The following CCDC138 variants were observed in gnomAD, a reference collection of about 807,000 sequenced individuals.
CCDC138 encodes the protein coiled-coil domain containing 138.
CCDC138 carries 66 observed loss-of-function variants against 82.3 expected under a neutral mutation model. The observed-to-expected ratio is 0.80, with a 90% confidence interval of 0.66 to 0.98. CCDC138 has a LOEUF of 0.98. Ranked by LOEUF, CCDC138 falls within the 50% of genes least tolerant of loss-of-function variation. The probability of loss-of-function intolerance (pLI) is 0.00; values close to 1 mark genes in which losing one functional copy is unlikely to be tolerated. For synonymous variants in CCDC138, 297 were observed against 265.4 expected (o/e 1.12, Z -1.16); for missense variants, 816 against 758.9 (o/e 1.08, Z -0.88).
In CCDC138 at chr2:108,794,724, A is replaced by G. The variant is rs114450376; in HGVS notation, c.576+3A>G. Reference sequence around the variant, plus strand: ...TTCAGATACATCTGAAATTGCAGGTAAGAACTAAATACTGAATCGAGAATT... The same window carrying G: ...TTCAGATACATCTGAAATTGCAGGTGAGAACTAAATACTGAATCGAGAATT... On this transcript the variant is annotated splice_donor_region_variant and intron_variant, in intron 5 of 14. Coordinates refer to ENST00000295124, the MANE Select transcript of CCDC138 (RefSeq NM_144978.3). The G allele has an allele frequency of 4.6e-3, 7,290 of 1,597,018 alleles. 301 individuals carry two copies. In the African/African-American group the frequency reaches 0.086, roughly 19 times the overall value.
rs760937756 is a variant in CCDC138, at chr2:108,811,247, C to CTCTTTT, written c.856-1383_856-1382insCTTTTT. ...CTCCCTTTTCTTTCTTTCTCTCTCT[C>CTCTTTT]TTTTTTTTTTTTTTTGACTGTCTCC... is the stretch of plus-strand genomic sequence containing the variant. On this transcript the variant is annotated intron_variant, in intron 7 of 14. Coordinates refer to ENST00000295124, the MANE Select transcript of CCDC138 (RefSeq NM_144978.3). Among the ~76,000 whole-genome samples, 309 of 113,850 alleles carry CTCTTTT rather than the reference C, an allele frequency of 2.7e-3. 11 individuals carry two copies. The highest frequency in any genetic ancestry group is 0.011 in the African/African-American group (297 of 26,224). The allele number at this position is 113,850 out of a possible 152,430, so 74.7% of individuals were successfully genotyped here.
At chr2:108,823,382 C>T (rs949381210) in intron 10 of CCDC138, among the ~76,000 whole-genome samples, 2 of 152,146 alleles carry the variant, frequency 1.3e-5, no homozygotes, top group African/African-American at 4.8e-5. Flanking sequence ...CAAAAATCCT[C>T]AACAAAATAG....
At chr2:108,848,971 T>A (rs962138902) in intron 12 of CCDC138, among the ~76,000 whole-genome samples, 21 of 152,254 alleles carry the variant, frequency 1.4e-4, no homozygotes, top group African/African-American at 4.8e-4. Flanking sequence ...TATAACTATA[T>A]CCCTGTGTTC....
chr2:108,793,708 T>C (rs558503420), intron 4 of CCDC138, among the ~76,000 whole-genome samples: 7 of 151,914 alleles, frequency 4.6e-5, no homozygotes, highest in Non-Finnish European at 8.8e-5. Context: ...GCCACTCTCC[T>C]GCCTCAGCCT....
chr2:108,813,848 G>T (rs560733768), intron 9 of CCDC138, among the ~76,000 whole-genome samples: 45 of 152,216 alleles, frequency 3.0e-4, no homozygotes, highest in African/African-American at 9.6e-4. Flanking sequence ...TGAGACATTT[G>T]GTCAGTGGAA....
intron 6 of CCDC138, 21 bp from the exon 7 acceptor site, chr2:108,804,868 G>T (rs1241366284): frequency 2.2e-6 from 3 of 1,359,604 alleles, no homozygotes; most frequent in African/African-American, 1.5e-5. Flanking sequence ...TTAGATGAGA[G>T]TTTTTTTTTT....
At chr2:108,819,754 G>A (rs528899173) in intron 10 of CCDC138, among the ~76,000 whole-genome samples, 55 of 152,024 alleles carry the variant, frequency 3.6e-4, no homozygotes, top group South Asian at 2.1e-3. Context: ...TTTTTCAAAT[G>A]CCCAAATACC....
At chr2:108,840,784 A>ATTTCTTTT (rs112943081) in intron 11 of CCDC138, among the ~76,000 whole-genome samples, 17,355 of 148,500 alleles carry the variant, frequency 0.12, 1,323 homozygotes, top group African/African-American at 0.21. Context: ...TCTTTGTTTC[A>ATTTCTTTT]TTTCTTTTTT....
intron 12 of CCDC138, 89 bp downstream of exon 12, chr2:108,847,019 C>T: frequency 1.3e-6 from 1 of 760,976 alleles, no homozygotes; most frequent in African/African-American, 1.8e-5. Flanking sequence ...ATATGTTGTA[C>T]ATTTTCAGAA....
At position 108,788,097 on chromosome 2, in the gene CCDC138, G is replaced by A. The variant is rs778338943; in HGVS notation, c.151+8G>A. ...GAACTCTAACCTCCCCAGGTAAGCC[G>A]GTATTTTGTATATTTGGGGGTTTCA... On this transcript the variant is annotated splice_region_variant and intron_variant, in intron 2 of 14. Transcript: ENST00000295124. 1.9e-6 allele frequency: 3 copies of A among 1,601,830 alleles called. No homozygotes were observed. Among genetic ancestry groups the A allele is most frequent in the South Asian group, 1.1e-5 (1 of 88,944 alleles).
intron 7 of CCDC138, among the ~76,000 whole-genome samples, chr2:108,807,120 G>A (rs1024941059): frequency 6.6e-6 from 1 of 152,036 alleles, no homozygotes; most frequent in Non-Finnish European, 1.5e-5. Context: ...GCATAACTGA[G>A]AATGAAGAAA....
intron 11 of CCDC138, among the ~76,000 whole-genome samples, chr2:108,841,430 TA>T (rs1689464141): frequency 6.6e-6 from 1 of 152,186 alleles, no homozygotes; most frequent in Admixed American, 6.5e-5. Flanking sequence ...ACATATTTTG[TA>T]ACTGTGTTCT....
intron 9 of CCDC138, 36 bp from the exon 10 acceptor site, chr2:108,815,905 T>C: frequency 6.5e-7 from 1 of 1,547,350 alleles, no homozygotes; most frequent in South Asian, 1.2e-5. Context: ...TATGAAGTTG[T>C]GAACTGAAAT....
At chr2:108,820,088 A>AAG (rs1685420886) in intron 10 of CCDC138, among the ~76,000 whole-genome samples, 3 of 152,200 alleles carry the variant, frequency 2.0e-5, no homozygotes, top group Non-Finnish European at 4.4e-5. Flanking sequence ...AGAAGACATC[A>AAG]ACACACTTGA....
At chr2:108,812,351 T>C (rs1684013925) in intron 7 of CCDC138, among the ~76,000 whole-genome samples, 1 of 152,194 alleles carries the variant, frequency 6.6e-6, no homozygotes, top group African/African-American at 2.4e-5. Context: ...AACAGTGTAC[T>C]TATTAATAAA....
chr2:108,832,349 T>C (rs867232773), intron 10 of CCDC138, among the ~76,000 whole-genome samples: 3,006 of 147,336 alleles, frequency 0.02, 77 homozygotes, highest in African/African-American at 0.057. Flanking sequence ...TCTTTCTTTT[T>C]TTTTTTTTTT....
At chr2:108,880,246 C>T (rs115924215), downstream of CCDC138, among the ~76,000 whole-genome samples, 2,714 of 149,060 alleles carry the variant, frequency 0.018, 72 homozygotes, top group African/African-American at 0.065. Flanking sequence ...CGAGAGAAGG[C>T]ACAGATTGCT....
chr2:108,794,233 G>T (rs117138472), intron 4 of CCDC138, among the ~76,000 whole-genome samples: 2 of 152,106 alleles, frequency 1.3e-5, no homozygotes, highest in East Asian at 3.9e-4. Context: ...CATGATTAGG[G>T]GCTTTTAAGG....
intron 11 of CCDC138, among the ~76,000 whole-genome samples, chr2:108,844,034 T>G (rs1690032464): frequency 6.6e-6 from 1 of 151,560 alleles, no homozygotes; most frequent in African/African-American, 2.4e-5. Context: ...GTTAATTTTT[T>G]TTTGTTTTGT....
Sources: allele counts gnomAD v4.1 joint callset (sites outside exome capture counted in the v4.1 genomes callset), GRCh38; gene constraint gnomAD v4.1.1; transcripts MANE v1.5; gene names NCBI Gene and HGNC (gene_info 2026-07-23, HGNC 2026-07-21).